AKAP13: variants seen among roughly 807,000 people sequenced by gnomAD.
The protein encoded by AKAP13 is A-kinase anchoring protein 13, also known as A-kinase anchor protein 13.
Under a neutral mutation model 264.5 loss-of-function variants are expected in AKAP13, and 80 were observed. The observed-to-expected ratio is 0.30, with a 90% CI of 0.25 to 0.36. The LOEUF (loss-of-function observed/expected upper bound fraction) is 0.36, where lower values mean the gene tolerates loss of function less well. Ranked by LOEUF, AKAP13 falls within the 10% of genes least tolerant of loss-of-function variation. The pLI is 1.00. For synonymous variants in AKAP13, 1,380 were observed against 1,250.2 expected (o/e 1.10, Z -2.19); for missense variants, 3,712 against 3,435.2 (o/e 1.08, Z -2.01).
At chr15:85,677,801 C>G (rs1320873286) in intron 14 of AKAP13, among the ~76,000 whole-genome samples, 3 of 151,986 alleles carry the variant, frequency 2.0e-5, no homozygotes, top group Admixed American at 2.0e-4. Flanking sequence ...CGTCCGCCAC[C>G]ACGCCCAGCT....
chr15:85,711,244 C>T (rs1383903822), intron 19 of AKAP13, among the ~76,000 whole-genome samples: 3 of 152,018 alleles, frequency 2.0e-5, no homozygotes, highest in Non-Finnish European at 4.4e-5. Flanking sequence ...TTTCTAAGGA[C>T]CTCAAATGTT....
At chr15:85,645,779 T>G in intron 9 of AKAP13, 39 bp from the exon 10 acceptor site, 2 of 1,541,300 alleles carry the variant, frequency 1.3e-6, no homozygotes, top group Non-Finnish European at 1.7e-6. Context: ...TTTTTTGTTT[T>G]TTTTTTTTCA....
In AKAP13 at chr15:85,710,597, C is replaced by G; in HGVS notation, c.5551C>G (p.Gln1851Glu). The change falls in exon 19 of 37, where the codon CAG (glutamine) becomes GAG (glutamate). Residue 1851 changes from glutamine to glutamate, a missense_variant. Physicochemically the swap from Gln to Glu is conservative, Grantham distance 29 (BLOSUM62 2). This residue lies in a region of AKAP13 where 2,759 missense variants were observed against 2,411.7 expected (regional missense o/e 1.14). Coordinates refer to ENST00000394518, the MANE Select transcript of AKAP13 (RefSeq NM_007200.5). The part of the protein sequence containing the change: ...VKMKQPKGSL[Q>E]AHDTSSLPTV... ...TCTTTAGCAGCCCAAAGGGAGCCTTCAGGCACATGACACATCATCACTGCC... is the reference window on the plus strand; with the variant it reads ...TCTTTAGCAGCCCAAAGGGAGCCTTGAGGCACATGACACATCATCACTGCC... The G allele has an allele frequency of 1.9e-6, 3 of 1,613,988 alleles. No individual in the cohort carries two copies. The highest frequency in any genetic ancestry group is 1.7e-6 in the Non-Finnish European group (2 of 1,179,916).
At position 85,705,622 on chromosome 15, in the gene AKAP13, A is replaced by T. The variant is rs536842988; in HGVS notation, c.5465-2397A>T. Among the ~76,000 whole-genome samples the T allele has an allele frequency of 6.1e-3, 836 of 137,016 alleles. 4 individuals are homozygous for T. The highest frequency in any genetic ancestry group is 0.011 in the Admixed American group (161 of 14,232). 89.9% of individuals were successfully genotyped at this position (137,016 alleles called of 152,430 possible). On this transcript the variant is annotated intron_variant, in intron 17 of 36. Coordinates refer to ENST00000394518, the MANE Select transcript of AKAP13 (RefSeq NM_007200.5). ...TGTGATGATTTTTTAAAAATTAAAAATTTTTTTTAATTTTGAAAAATGTTA... is the reference window on the plus strand; with the variant it reads ...TGTGATGATTTTTTAAAAATTAAAATTTTTTTTTAATTTTGAAAAATGTTA...
At chr15:85,587,543 G>T (rs980366380) in intron 8 of AKAP13, among the ~76,000 whole-genome samples, 2 of 152,206 alleles carry the variant, frequency 1.3e-5, no homozygotes, top group Non-Finnish European at 2.9e-5. Context: ...ACCTAGTGGA[G>T]TTGCTGGGTC....
At chr15:85,586,527 T>A (rs2079359592) in intron 8 of AKAP13, among the ~76,000 whole-genome samples, 1 of 152,176 alleles carries the variant, frequency 6.6e-6, no homozygotes, top group South Asian at 2.1e-4. Flanking sequence ...TAAACCTGAC[T>A]CTTCTTTCTT....
At position 85,464,422 on chromosome 15, in the gene AKAP13, G is replaced by A. The variant is rs750875091; in HGVS notation, c.-11-21288G>A. 4.6e-4 allele frequency among the ~76,000 whole-genome samples: 70 copies of A among 152,106 alleles called. 2 individuals carry two copies. The highest frequency in any genetic ancestry group is 2.1e-4 in the Non-Finnish European group (14 of 68,030). On this transcript the variant is annotated intron_variant, in intron 1 of 36. Coordinates refer to ENST00000394518, the MANE Select transcript of AKAP13 (RefSeq NM_007200.5). ...TATTGTCCATTTTCTTGTAGAATAT[G>A]GATAATATCTATTCCTGAGTTTTGA...
intron 2 of AKAP13, among the ~76,000 whole-genome samples, chr15:85,509,848 G>C (rs6496032): frequency 0.8 from 122,447 of 152,180 alleles, 49,826 homozygotes; most frequent in African/African-American, 0.85. Context: ...TCAGGTCTGA[G>C]AGCTGAATGG....
At chr15:85,646,213 G>A in intron 10 of AKAP13, among the ~76,000 whole-genome samples, 1 of 152,174 alleles carries the variant, frequency 6.6e-6, no homozygotes, top group East Asian at 1.9e-4. Flanking sequence ...GGTGGCTCAC[G>A]CCTGTAATCC....
intron 1 of AKAP13, among the ~76,000 whole-genome samples, chr15:85,404,224 G>A (rs1053327193): frequency 6.6e-6 from 1 of 152,132 alleles, no homozygotes; most frequent in Non-Finnish European, 1.5e-5. Flanking sequence ...TTAAGGGCAG[G>A]TTTTCTCTTT....
chr15:85,635,676 T>C (rs2082041979), intron 8 of AKAP13, among the ~76,000 whole-genome samples: 1 of 152,170 alleles, frequency 6.6e-6, no homozygotes, highest in South Asian at 2.1e-4. Context: ...TTTAGGAGTT[T>C]TATAGTTTTA....
intron 10 of AKAP13, 96 bp from the exon 11 acceptor site, chr15:85,655,321 G>A: frequency 6.8e-7 from 1 of 1,462,618 alleles, no homozygotes; most frequent in Non-Finnish European, 9.2e-7. Flanking sequence ...TACCTGCCTG[G>A]AATCCACTGA....
chr15:85,735,191 G>A (rs778627620), intron 31 of AKAP13, 41 bp downstream of exon 31: 3 of 1,597,646 alleles, frequency 1.9e-6, no homozygotes, highest in Non-Finnish European at 2.6e-6. Flanking sequence ...GGCAATCCTT[G>A]ACTATCTCAC....
At position 85,429,036 on chromosome 15, in the gene AKAP13, G is replaced by C. The variant is rs116262791; in HGVS notation, c.-12+48238G>C. Among the ~76,000 whole-genome samples the C allele has an allele frequency of 1.4e-4, 22 of 152,256 alleles. No homozygotes were observed. In the East Asian group the frequency reaches 3.7e-3, roughly 25 times the overall value. On this transcript the variant is annotated intron_variant, in intron 1 of 36. Transcript: ENST00000394518. ...AACTGTGGTACATGCATAAAGTAAT[G>C]TTATATAGCTAGTGAAGCTGGAATT...
rs1226404498 is a variant in AKAP13, at chr15:85,747,642, G to T, written c.*2965G>T. On this transcript the variant is annotated 3_prime_UTR_variant, in exon 37 of 37. Coordinates refer to ENST00000394518, the MANE Select transcript of AKAP13 (RefSeq NM_007200.5). ...ATGTGCACTTTAAATGCTCTCATCG[G>T]TTGGCTTCATTTTCAAGACAATCAA... The T allele has an allele frequency of 6.6e-6, 1 of 152,566 alleles. No individual in the cohort carries two copies. The highest frequency in any genetic ancestry group is 1.5e-5 in the Non-Finnish European group (1 of 68,032). The allele number at this position is 152,566 out of a possible 1,614,324, so 9.5% of individuals were successfully genotyped here.
intron 30 of AKAP13, among the ~76,000 whole-genome samples, chr15:85,731,135 G>C (rs980412687): frequency 2.0e-5 from 3 of 149,758 alleles, no homozygotes; most frequent in Non-Finnish European, 4.4e-5. Context: ...CACCCAAGTA[G>C]CTTGGGACTA....
chr15:85,499,346 T>C (rs1341416262), intron 2 of AKAP13, among the ~76,000 whole-genome samples: 2 of 152,192 alleles, frequency 1.3e-5, no homozygotes, highest in African/African-American at 4.8e-5. Flanking sequence ...CCTTGTATGA[T>C]TGTAGATAAT....
At chr15:85,484,497 A>G (rs1187024892) in intron 1 of AKAP13, among the ~76,000 whole-genome samples, 1 of 152,210 alleles carries the variant, frequency 6.6e-6, no homozygotes, top group East Asian at 1.9e-4. Context: ...CAGTGTGGGA[A>G]AGCCACTTGC....
intron 16 of AKAP13, among the ~76,000 whole-genome samples, chr15:85,691,236 G>A (rs1357992453): frequency 6.6e-6 from 1 of 152,206 alleles, no homozygotes; most frequent in African/African-American, 2.4e-5. Flanking sequence ...CTTACCTTGT[G>A]AATGGTAGGT....
Sources: gnomAD v4.1 joint callset for allele counts (sites outside exome capture counted in the v4.1 genomes callset) on GRCh38, gnomAD v4.1.1 for gene constraint, gnomAD v4.1.1 regional missense constraint, MANE v1.5 for transcripts, NCBI Gene and HGNC (gene_info 2026-07-23, HGNC 2026-07-21) for gene names.